Variants in AGBL3 observed in about 807,000 individuals in gnomAD.
The protein encoded by AGBL3 is cytosolic carboxypeptidase 3.
Under a neutral mutation model 94.5 loss-of-function variants are expected in AGBL3, and 68 were observed. That is an observed-to-expected ratio of 0.72 (90% CI 0.59 to 0.88). AGBL3 has a LOEUF of 0.88. Ranked by LOEUF, AGBL3 falls within the 40% of genes least tolerant of loss-of-function variation. AGBL3 has a pLI of 0.00. For missense variants in AGBL3, 934 were observed against 1,103.8 expected (o/e 0.85, Z 2.18); for synonymous variants, 354 against 370.7 (o/e 0.95, Z 0.52).
intron 16 of AGBL3, among the ~76,000 whole-genome samples, chr7:135,130,659 T>G (rs1205926720): frequency 6.6e-5 from 10 of 152,230 alleles, no homozygotes; most frequent in Admixed American, 4.6e-4. Context: ...CTGAATGTTC[T>G]TGAATTATCT....
chr7:135,111,648 T>C (rs979918469), intron 15 of AGBL3, among the ~76,000 whole-genome samples: 2 of 152,100 alleles, frequency 1.3e-5, no homozygotes, highest in East Asian at 3.9e-4. Context: ...GTCATATCTG[T>C]GACACTACTC....
intron 12 of AGBL3, among the ~76,000 whole-genome samples, chr7:135,062,395 A>T (rs10480857): frequency 6.6e-6 from 1 of 152,060 alleles, no homozygotes; most frequent in Non-Finnish European, 1.5e-5. Flanking sequence ...CTTCAGTACT[A>T]TGTTGAATAG....
intron 15 of AGBL3, among the ~76,000 whole-genome samples, chr7:135,085,286 T>C (rs1821246724): frequency 6.6e-6 from 1 of 152,182 alleles, no homozygotes; most frequent in Non-Finnish European, 1.5e-5. Flanking sequence ...TTTTCTCCCA[T>C]TCTGCAGGTT....
intron 1 of AGBL3, among the ~76,000 whole-genome samples, chr7:134,987,574 C>T (rs954391665): frequency 1.3e-5 from 2 of 152,138 alleles, no homozygotes; most frequent in African/African-American, 4.8e-5. Context: ...CAGGATCATT[C>T]TGAACTTGCT....
chr7:135,031,582 G>A (rs990097789), intron 5 of AGBL3, among the ~76,000 whole-genome samples: 6 of 152,112 alleles, frequency 3.9e-5, no homozygotes, highest in Admixed American at 2.0e-4. Flanking sequence ...TAAACATTAC[G>A]TTGAATTTTG....
At chr7:134,988,376 C>T (rs1278517790) in intron 2 of AGBL3, 1 of 170,310 alleles carries the variant, frequency 5.9e-6, no homozygotes, top group Non-Finnish European at 1.2e-5. Flanking sequence ...GTGTTCTAAC[C>T]TTATTGTGTA....
intron 12 of AGBL3, among the ~76,000 whole-genome samples, chr7:135,063,833 C>T (rs1320436822): frequency 6.6e-6 from 1 of 152,196 alleles, no homozygotes; most frequent in Non-Finnish European, 1.5e-5. Flanking sequence ...CACCCTCAGA[C>T]TATCAATGGC....
intron 4 of AGBL3, among the ~76,000 whole-genome samples, chr7:135,005,443 G>T (rs140407731): frequency 7.3e-4 from 111 of 151,716 alleles, no homozygotes; most frequent in African/African-American, 2.6e-3. Flanking sequence ...ACACAATGTT[G>T]ATGAAGTAAA....
At chr7:135,050,235 T>C (rs1303975780) in intron 11 of AGBL3, among the ~76,000 whole-genome samples, 1 of 152,026 alleles carries the variant, frequency 6.6e-6, no homozygotes, top group Non-Finnish European at 1.5e-5. Flanking sequence ...TTTATCTAGT[T>C]TCACCCCATT....
chr7:135,125,645 A>G (rs926773378), intron 16 of AGBL3, among the ~76,000 whole-genome samples: 1 of 152,224 alleles, frequency 6.6e-6, no homozygotes, highest in Non-Finnish European at 1.5e-5. Flanking sequence ...AAAATCCTCA[A>G]TAAAATACTG....
At chr7:135,106,743 G>A (rs1824781919) in intron 15 of AGBL3, among the ~76,000 whole-genome samples, 1 of 152,192 alleles carries the variant, frequency 6.6e-6, no homozygotes, top group Non-Finnish European at 1.5e-5. Flanking sequence ...GAGTTGGGGA[G>A]GAGTCCCTCC....
chr7:134,987,830 A>G, intron 1 of AGBL3, 45 bp from the exon 2 acceptor site: 1 of 790,436 alleles, frequency 1.3e-6, no homozygotes, highest in Non-Finnish European at 2.1e-6. Context: ...TAATGTAGTA[A>G]ACACCTACAG....
intron 5 of AGBL3, among the ~76,000 whole-genome samples, chr7:135,027,352 T>A (rs1479022503): frequency 6.6e-6 from 1 of 151,758 alleles, no homozygotes; most frequent in African/African-American, 2.4e-5. Context: ...TTTTATGGTC[T>A]ATTTGAAATT....
chr7:135,134,464 A>T (rs1829204981), intron 16 of AGBL3, among the ~76,000 whole-genome samples: 1 of 152,080 alleles, frequency 6.6e-6, no homozygotes, highest in Non-Finnish European at 1.5e-5. Context: ...ATATATACTG[A>T]ATCCATTCTA....
intron 15 of AGBL3, among the ~76,000 whole-genome samples, chr7:135,083,936 T>C (rs1460285769): frequency 1.3e-5 from 2 of 152,196 alleles, no homozygotes. Context: ...CTGGCATTGA[T>C]GACTTGCAGA....
At position 135,135,487 on chromosome 7, in the gene AGBL3, T is replaced by C; in HGVS notation, c.*226T>C. 3.0e-6 allele frequency: 1 copy of C among 332,168 alleles called. No individual in the cohort carries two copies. Among genetic ancestry groups the C allele is most frequent in the African/African-American group, 2.3e-5 (1 of 43,654 alleles). The allele number at this position is 332,168 out of a possible 1,614,324, so 20.6% of individuals were successfully genotyped here. A position where few individuals can be genotyped will look rare whatever the true frequency, so the allele number is the denominator to read the frequency against. ...ATATGGAAAAATATTAAAGCAGATATTTATATTTAGTTTTTATCAGCATGG... is the reference window on the plus strand; with the variant it reads ...ATATGGAAAAATATTAAAGCAGATACTTATATTTAGTTTTTATCAGCATGG... On this transcript the variant is annotated 3_prime_UTR_variant, in exon 17 of 17. Transcript: ENST00000436302.
chr7:135,121,496 G>A lies in AGBL3; in HGVS notation c.2342+5885G>A, dbSNP rs899379489. ...TTTAAAAGAATTTAAATCATAGAAA[G>A]TGTATATCTGACCACAATGGAATCC... On this transcript the variant is annotated intron_variant, in intron 16 of 16. Coordinates refer to ENST00000436302, the MANE Select transcript of AGBL3 (RefSeq NM_178563.4). Among the ~76,000 whole-genome samples the A allele has an allele frequency of 4.0e-5, 6 of 150,790 alleles. No homozygotes were observed. In the South Asian group the frequency reaches 8.4e-4, roughly 21 times the overall value.
intron 5 of AGBL3, 28 bp from the exon 6 acceptor site, chr7:135,032,816 C>T (rs751185311): frequency 1.3e-6 from 2 of 1,530,958 alleles, no homozygotes; most frequent in Middle Eastern, 1.7e-4. Flanking sequence ...TATACCTTGA[C>T]ATCTTTATGA....
intron 4 of AGBL3, among the ~76,000 whole-genome samples, chr7:134,994,639 C>T (rs1810750244): frequency 6.6e-6 from 1 of 152,168 alleles, no homozygotes; most frequent in Admixed American, 6.5e-5. Context: ...TTTATAACTA[C>T]ACTTATTGCA....
Sources: gnomAD v4.1 joint callset for allele counts (sites outside exome capture counted in the v4.1 genomes callset) on GRCh38, gnomAD v4.1.1 for gene constraint, MANE v1.5 for transcripts, NCBI Gene and HGNC (gene_info 2026-07-23, HGNC 2026-07-21) for gene names.